FCHO1: variants seen among roughly 807,000 people sequenced by gnomAD.
The protein encoded by FCHO1 is F-BAR domain only protein 1.
Under a neutral mutation model 114.4 loss-of-function variants are expected in FCHO1, and 45 were observed. The observed-to-expected ratio is 0.39, with a 90% CI of 0.31 to 0.50. The LOEUF (loss-of-function observed/expected upper bound fraction) is 0.50, where lower values mean the gene tolerates loss of function less well. FCHO1 is among the 20% of genes least tolerant of loss of function. The pLI, the probability that FCHO1 is intolerant of heterozygous loss-of-function variation, is 0.77. For missense variants in FCHO1, 1,042 were observed against 1,209.6 expected (o/e 0.86, Z 2.06); for synonymous variants, 480 against 488.9 (o/e 0.98, Z 0.24).
chr19:17,765,379 A>G (rs890203905), intron 6 of FCHO1, among the ~76,000 whole-genome samples: 2 of 151,960 alleles, frequency 1.3e-5, no homozygotes, highest in African/African-American at 2.4e-5. Flanking sequence ...ATGACTTTGC[A>G]TGAACCTTGT....
At chr19:17,781,186 GC>G in intron 20 of FCHO1, 44 bp from the exon 21 acceptor site, 1 of 1,430,462 alleles carries the variant, frequency 7.0e-7, no homozygotes, top group Non-Finnish European at 9.7e-7. Context: ...GGCCCCAGAG[GC>G]CCCGGGCAGC....
At position 17,770,858 on chromosome 19, in the gene FCHO1, C is replaced by T; in HGVS notation, c.556C>T (p.Arg186Ter). 1 of 1,614,112 alleles carries T rather than the reference C, an allele frequency of 6.2e-7. No individual in the cohort carries two copies. The change falls in exon 9 of 29, where the codon CGA (arginine) becomes TGA (stop). Residue 186 changes from arginine to a stop codon, truncating the protein, a stop_gained. Transcript: ENST00000596536. LOFTEE classifies it high-confidence loss of function. Reference protein sequence around the residue: ...RRSVEKYNSARADFEQKMLDS... With the variant: ...RRSVEKYNSA ...CTCAGTGGAAAAATACAACTCAGCC[C>T]GAGCTGACTTTGAGCAGAAGATGCT...
intron 18 of FCHO1, 144 bp from the exon 19 acceptor site, chr19:17,777,993 C>G: frequency 1.7e-6 from 1 of 594,396 alleles, no homozygotes; most frequent in Non-Finnish European, 3.0e-6. Flanking sequence ...AAGCTGAGAT[C>G]GTGCCACTGC....
chr19:17,761,060 A>C (rs2085938658), intron 4 of FCHO1, among the ~76,000 whole-genome samples: 1 of 152,156 alleles, frequency 6.6e-6, no homozygotes, highest in Non-Finnish European at 1.5e-5. Flanking sequence ...CAGAAATTGG[A>C]GTAAAGAGAT....
At chr19:17,763,183 A>G (rs1368064793) in intron 5 of FCHO1, among the ~76,000 whole-genome samples, 1 of 150,066 alleles carries the variant, frequency 6.7e-6, no homozygotes, top group African/African-American at 2.5e-5. Context: ...TGCAGCCTCG[A>G]ACTCCTGAGT....
intron 24 of FCHO1, 139 bp from the exon 25 acceptor site, chr19:17,783,964 A>C: frequency 9.5e-7 from 1 of 1,050,572 alleles, no homozygotes; most frequent in East Asian, 2.4e-5. Flanking sequence ...TACTGCCCGC[A>C]CCACAACCAC....
In FCHO1 at chr19:17,776,260, G is replaced by A. The variant is rs1168436275; in HGVS notation, c.1196G>A (p.Arg399His). 6 of 1,614,154 alleles carry A rather than the reference G, an allele frequency of 3.7e-6. No individual in the cohort carries two copies. Among genetic ancestry groups the A allele is most frequent in the East Asian group, 4.5e-5 (2 of 44,876 alleles). ...CTTTGTCCACAGGGCACCATGAAACGCCATTCTTCACGTGAGTAGCCTTTG... is the reference window on the plus strand; with the variant it reads ...CTTTGTCCACAGGGCACCATGAAACACCATTCTTCACGTGAGTAGCCTTTG... ...LPPGPGGTMK[R>H]HSSRDAAGKP... is the part of the protein sequence containing the mutation. Residue 399 changes from arginine to histidine, a missense_variant, in exon 17 of 29, where the codon CGC becomes CAC. Transcript: ENST00000596536. This position sits in a 1 kb window ranked among gnomAD's most constrained non-coding sequence, Gnocchi z 4.4.
rs933354677 is a variant in FCHO1 at position 17,770,790 on chromosome 19, A to G, written c.490-2A>G. ...TCCCCGTTTCCTCCCTGTGCTTTGTAGGCGGAGACTAAAACCAAGAAGGCG... is the reference window on the plus strand; with the variant it reads ...TCCCCGTTTCCTCCCTGTGCTTTGTGGGCGGAGACTAAAACCAAGAAGGCG... On this transcript the variant is annotated splice_acceptor_variant, in intron 8 of 28. Transcript: ENST00000596536. LOFTEE classifies it high-confidence loss of function. 6.2e-7 allele frequency: 1 copy of G among 1,613,956 alleles called. No homozygotes were observed. The highest frequency in any genetic ancestry group is 8.5e-7 in the Non-Finnish European group (1 of 1,179,978).
chr19:17,760,402 C>T (rs1201445123), intron 4 of FCHO1, among the ~76,000 whole-genome samples: 2 of 152,012 alleles, frequency 1.3e-5, no homozygotes, highest in East Asian at 1.9e-4. Context: ...TGATGCCCTT[C>T]CCAGGTGACA....
chr19:17,758,765 G>C (rs926896214), intron 4 of FCHO1: 1 of 152,206 alleles, frequency 6.6e-6, no homozygotes, highest in Non-Finnish European at 1.5e-5. Context: ...TTGAGTCCAG[G>C]AGTTCGAGAC....
At chr19:17,762,732 T>C in intron 4 of FCHO1, 30 bp from the exon 5 acceptor site, 1 of 1,525,134 alleles carries the variant, frequency 6.6e-7, no homozygotes, top group African/African-American at 1.4e-5. Flanking sequence ...CTCTCCATCC[T>C]TTCTCAATCT....
chr19:17,766,808 A>G lies in FCHO1; in HGVS notation c.334A>G (p.Lys112Glu). 1 of 1,613,488 alleles carries G rather than the reference A, an allele frequency of 6.2e-7. No homozygotes were observed. The highest frequency in any genetic ancestry group is 8.5e-7 in the Non-Finnish European group (1 of 1,179,548). ...CGAGGAACAGCTCAAGACCCACAAGAAGGTGTGTGTCGTGGGCGCCGCCCA... is the reference window on the plus strand; with the variant it reads ...CGAGGAACAGCTCAAGACCCACAAGGAGGTGTGTGTCGTGGGCGCCGCCCA... ...YGEEQLKTHK[K>E]CKEEVVSTLD... The change falls in exon 7 of 29, where the codon AAG becomes GAG. Residue 112 changes from lysine (K) to glutamate (E), a missense_variant and splice_region_variant. Physicochemically the swap from Lys to Glu is moderately conservative, Grantham distance 56. Coordinates refer to ENST00000596536, the MANE Select transcript of FCHO1 (RefSeq NM_015122.3).
rs930715198 is a variant in FCHO1, at chr19:17,784,314, G to C, written c.2226+79G>C. On this transcript the variant is annotated intron_variant, in intron 25 of 28. Transcript: ENST00000596536. This position sits in a 1 kb window ranked among gnomAD's most constrained non-coding sequence, Gnocchi z 5.3. ...GCCGGCAGCAGACATGGAGGCGCCTGCGTGTTGGCCAGGCTGGTCTCGAAT... is the reference window on the plus strand; with the variant it reads ...GCCGGCAGCAGACATGGAGGCGCCTCCGTGTTGGCCAGGCTGGTCTCGAAT... The C allele has an allele frequency of 2.2e-5, 33 of 1,509,390 alleles. No homozygotes were observed. The African/African-American group carries it at 4.4e-4, about 20-fold the overall frequency. 93.5% of individuals were successfully genotyped at this position (1,509,390 alleles called of 1,614,324 possible).
In FCHO1 at chr19:17,770,513, T is replaced by C; in HGVS notation, c.425T>C (p.Leu142Pro). The change falls in exon 8 of 29, where the codon CTG becomes CCG. Residue 142 changes from leucine to proline, a missense_variant. Leu to Pro is a moderately conservative substitution (Grantham distance 98, BLOSUM62 -3). Around this residue, in one of 3 missense-constraint regions of FCHO1, gnomAD observed 450 missense variants for 564.1 expected, o/e 0.80. Coordinates refer to ENST00000596536, the MANE Select transcript of FCHO1 (RefSeq NM_015122.3). ...QLLPKSRENY[L>P]NRCMDQERLR... is the part of the protein sequence containing the mutation. ...CTGCCCAAGTCCCGCGAGAACTACC[T>C]GAACCGTTGCATGGACCAGGAGCGG... The C allele has an allele frequency of 6.2e-7, 1 of 1,613,940 alleles. No individual in the cohort carries two copies. The highest frequency in any genetic ancestry group is 8.5e-7 in the Non-Finnish European group (1 of 1,179,872).
chr19:17,767,363 G>T lies in FCHO1; in HGVS notation c.336+553G>T, dbSNP rs1304585699. ...AGGATCCTACAGGAGTTTGAGACCA[G>T]CCTGGGCAACATAGGGAGACCCCAT... On this transcript the variant is annotated intron_variant, in intron 7 of 28. Coordinates refer to ENST00000596536, the MANE Select transcript of FCHO1 (RefSeq NM_015122.3). Among the ~76,000 whole-genome samples, 7 of 147,374 alleles carry T rather than the reference G, an allele frequency of 4.7e-5. No individual in the cohort carries two copies. In the East Asian group the frequency reaches 1.4e-3, roughly 30 times the overall value.
At chr19:17,781,688 C>G in intron 22 of FCHO1, 24 bp from the exon 23 acceptor site, 1 of 1,575,804 alleles carries the variant, frequency 6.3e-7, no homozygotes. Context: ...CCGTTGTTCC[C>G]CATTCCCTCT....
In FCHO1 at chr19:17,776,450, G is replaced by A. The variant is rs1307879467; in HGVS notation, c.1207+179G>A. ...AATTAAGTGAGAGCTGAAAGGGGTAGCTGGGGCCAGGAGAAGCTAGCATCT... is the reference window on the plus strand; with the variant it reads ...AATTAAGTGAGAGCTGAAAGGGGTAACTGGGGCCAGGAGAAGCTAGCATCT... On this transcript the variant is annotated intron_variant, in intron 17 of 28. Transcript: ENST00000596536. The surrounding 1 kb of genome is among the most constrained non-coding windows in gnomAD (Gnocchi z 4.4). 6.6e-6 allele frequency among the ~76,000 whole-genome samples: 1 copy of A among 152,164 alleles called. No homozygotes were observed. Among genetic ancestry groups the A allele is most frequent in the Non-Finnish European group, 1.5e-5 (1 of 68,032 alleles).
rs2094021103 is a variant in FCHO1 at position 17,787,597 on chromosome 19, C to T, written c.2483-85C>T. On this transcript the variant is annotated intron_variant, in intron 27 of 28. Coordinates refer to ENST00000596536, the MANE Select transcript of FCHO1 (RefSeq NM_015122.3). The stretch of plus-strand genomic sequence containing the variant: ...CACATAAAGGCCACAGAACAGAGGG[C>T]TTCAGGTGTGGGCCAAAGATGAGCC... 4.2e-6 allele frequency: 6 copies of T among 1,433,438 alleles called. No individual in the cohort carries two copies. The East Asian group carries it at 1.5e-4, about 36-fold the overall frequency. The allele number at this position is 1,433,438 out of a possible 1,614,324, so 88.8% of individuals were successfully genotyped here.
rs529477643 is a variant in FCHO1, at chr19:17,752,656, TG to T, written c.-183+1084del. On this transcript the variant is annotated intron_variant, in intron 1 of 28. Transcript: ENST00000596536. The stretch of plus-strand genomic sequence containing the variant: ...GCTCATGGCTGTAATCCCAGCACTT[TG>T]GGGGTCCCAGGCAGGAGGATGGCTT... Among the ~76,000 whole-genome samples, 13 of 144,060 alleles carry T rather than the reference TG, an allele frequency of 9.0e-5. No individual in the cohort carries two copies. In the East Asian group the frequency reaches 2.6e-3, roughly 29 times the overall value. The allele number at this position is 144,060 out of a possible 152,430, so 94.5% of individuals were successfully genotyped here.
Sources: gnomAD v4.1 joint callset for allele counts (sites outside exome capture counted in the v4.1 genomes callset) on GRCh38, gnomAD v4.1.1 for gene constraint, gnomAD v4.1.1 regional missense constraint, Gnocchi (gnomAD v3.1) non-coding constraint, MANE v1.5 for transcripts, NCBI Gene and HGNC (gene_info 2026-07-23, HGNC 2026-07-21) for gene names.